SLC8A1: variants seen among roughly 807,000 people sequenced by gnomAD.
SLC8A1 encodes solute carrier family 8 member A1, also known as sodium/calcium exchanger 1.
A neutral mutation model predicts 68.3 loss-of-function variants in SLC8A1; 18 were observed. The ratio of observed to expected loss-of-function variants is 0.26; its 90% CI spans 0.18 to 0.39. The LOEUF (loss-of-function observed/expected upper bound fraction) is 0.39, where lower values mean the gene tolerates loss of function less well. Ranked by LOEUF, SLC8A1 falls within the 10% of genes least tolerant of loss-of-function variation. SLC8A1 has a pLI of 1.00. For missense variants in SLC8A1, 985 were observed against 1,156.7 expected, an observed-to-expected ratio of 0.85 and a Z score of 2.15; for synonymous variants, 475 against 415.5, an observed-to-expected ratio of 1.14 and a Z score of -1.74.
chr2:40,246,825 AT>A (rs1010711109), intron 2 of SLC8A1, among the ~76,000 whole-genome samples: 1 of 152,056 alleles, frequency 6.6e-6, no homozygotes, highest in Non-Finnish European at 1.5e-5. Flanking sequence ...CCTCAGAGGA[AT>A]TTTTTTTATT....
At chr2:40,355,111 C>T (rs944630113) in intron 2 of SLC8A1, among the ~76,000 whole-genome samples, 6 of 152,144 alleles carry the variant, frequency 3.9e-5, no homozygotes, top group South Asian at 2.1e-4. Flanking sequence ...AAAGCCTTTA[C>T]TATGGGGAGG....
At chr2:40,349,484 T>A (rs1670381498) in intron 2 of SLC8A1, among the ~76,000 whole-genome samples, 1 of 152,210 alleles carries the variant, frequency 6.6e-6, no homozygotes, top group East Asian at 1.9e-4. Context: ...CAAATATGAA[T>A]CCTGCTCCTT....
chr2:40,334,443 C>A (rs1017566171), intron 2 of SLC8A1, among the ~76,000 whole-genome samples: 10 of 152,140 alleles, frequency 6.6e-5, no homozygotes, highest in Admixed American at 6.6e-4. Context: ...ACAGCCAATG[C>A]ATATTTTTGA....
intron 1 of SLC8A1, among the ~76,000 whole-genome samples, chr2:40,475,622 A>G (rs1704248399): frequency 6.6e-6 from 1 of 152,078 alleles, no homozygotes; most frequent in African/African-American, 2.4e-5. Flanking sequence ...GTACATATAC[A>G]TACATGTACA....
chr2:40,317,779 A>C (rs2074666870), intron 2 of SLC8A1, among the ~76,000 whole-genome samples: 1 of 152,102 alleles, frequency 6.6e-6, no homozygotes, highest in South Asian at 2.1e-4. Context: ...AAATTATGGC[A>C]ATGTTTAAAA....
intron 1 of SLC8A1, among the ~76,000 whole-genome samples, chr2:40,441,789 T>C (rs868102536): frequency 2.6e-5 from 4 of 151,944 alleles, no homozygotes; most frequent in South Asian, 2.1e-4. Context: ...AAGACTTAAA[T>C]GTAAAACTTA....
chr2:40,447,706 C>A (rs1701712546), intron 1 of SLC8A1, among the ~76,000 whole-genome samples: 1 of 151,724 alleles, frequency 6.6e-6, no homozygotes, highest in Admixed American at 6.6e-5. Flanking sequence ...TTCCTTTATT[C>A]AAATGAATGG....
intron 2 of SLC8A1, among the ~76,000 whole-genome samples, chr2:40,347,886 T>A (rs1225436640): frequency 1.3e-5 from 2 of 152,150 alleles, no homozygotes; most frequent in South Asian, 2.1e-4. Flanking sequence ...GATAAGGAGA[T>A]AAAATAAAAC....
chr2:40,473,235 T>C (rs980498725), intron 1 of SLC8A1, among the ~76,000 whole-genome samples: 5 of 152,080 alleles, frequency 3.3e-5, no homozygotes, highest in African/African-American at 4.8e-5. Context: ...ATGAAAGACA[T>C]AGAAAAATAC....
intron 2 of SLC8A1, among the ~76,000 whole-genome samples, chr2:40,185,287 G>A (rs776930450): frequency 1.1e-4 from 17 of 152,172 alleles, no homozygotes; most frequent in Non-Finnish European, 2.4e-4. Context: ...AAAAACTTGT[G>A]CATGAATTTT....
rs533121435 is a variant in SLC8A1 at position 40,245,971 on chromosome 2, C to T, written c.1809-68116G>A. On this transcript the variant is annotated intron_variant, in intron 2 of 7. Coordinates refer to ENST00000406785, the Ensembl canonical transcript of SLC8A1. ...ATAGTTATAAGAAGCTGAGCTAGGACCCTACAGGTCCATCTCAGAGACCTA... is the reference window on the plus strand; with the variant it reads ...ATAGTTATAAGAAGCTGAGCTAGGATCCTACAGGTCCATCTCAGAGACCTA... 1.1e-4 allele frequency among the ~76,000 whole-genome samples: 16 copies of T among 152,298 alleles called. No homozygotes were observed. In the East Asian group the frequency reaches 1.5e-3, roughly 15 times the overall value.
chr2:40,174,063 G>T (rs1439313960), intron 4 of SLC8A1, among the ~76,000 whole-genome samples: 1 of 152,030 alleles, frequency 6.6e-6, no homozygotes, highest in Non-Finnish European at 1.5e-5. Context: ...AGTTTTTATA[G>T]AATACTTTGT....
At chr2:40,340,055 A>G (rs1190178867) in intron 2 of SLC8A1, among the ~76,000 whole-genome samples, 1 of 152,170 alleles carries the variant, frequency 6.6e-6, no homozygotes, top group East Asian at 1.9e-4. Flanking sequence ...TTCATATGCA[A>G]AAAAACCAAA....
chr2:40,295,891 T>C (rs1223849954), intron 2 of SLC8A1, among the ~76,000 whole-genome samples: 2 of 152,124 alleles, frequency 1.3e-5, no homozygotes, highest in East Asian at 3.9e-4. Flanking sequence ...TGCGTACTTC[T>C]GAAAGAGCTT....
chr2:40,267,334 A>G (rs894069410), intron 2 of SLC8A1, among the ~76,000 whole-genome samples: 6 of 152,202 alleles, frequency 3.9e-5, no homozygotes, highest in African/African-American at 1.4e-4. Flanking sequence ...AATATCCTAG[A>G]AAGTTAGTAA....
intron 2 of SLC8A1, among the ~76,000 whole-genome samples, chr2:40,267,951 T>C (rs1364067595): frequency 6.6e-6 from 1 of 152,118 alleles, no homozygotes; most frequent in Non-Finnish European, 1.5e-5. Flanking sequence ...CAGCCACCCT[T>C]TTCTGTTGAG....
rs756868091 is a variant in SLC8A1, at chr2:40,281,990, TA to T, written c.1809-104136del. On this transcript the variant is annotated intron_variant, in intron 2 of 7. Coordinates refer to ENST00000406785, the Ensembl canonical transcript of SLC8A1. ...GAGTCTGTTTATTCTTCTAGAAAAGTATAACAGTGGATTAGCTACTGGCTTC... is the reference window on the plus strand; with the variant it reads ...GAGTCTGTTTATTCTTCTAGAAAAGTTAACAGTGGATTAGCTACTGGCTTC... 1.4e-4 allele frequency among the ~76,000 whole-genome samples: 22 copies of T among 152,144 alleles called. 1 individual carries two copies. Among genetic ancestry groups the T allele is most frequent in the Admixed American group, 6.6e-5 (1 of 15,266 alleles).
At chr2:40,464,211 A>T (rs1272878147) in intron 1 of SLC8A1, among the ~76,000 whole-genome samples, 6 of 152,290 alleles carry the variant, frequency 3.9e-5, no homozygotes, top group Middle Eastern at 3.4e-3. Context: ...GGATACATAC[A>T]AATATATTTC....
chr2:40,162,221 C>T (rs1478422146), intron 5 of SLC8A1, among the ~76,000 whole-genome samples: 1 of 152,206 alleles, frequency 6.6e-6, no homozygotes, highest in Non-Finnish European at 1.5e-5. Flanking sequence ...TGCTCTTGGC[C>T]ACCATAACTT....
Sources: gnomAD v4.1 joint callset for allele counts (sites outside exome capture counted in the v4.1 genomes callset) on GRCh38, gnomAD v4.1.1 for gene constraint, MANE v1.5 for transcripts, NCBI Gene and HGNC (gene_info 2026-07-23, HGNC 2026-07-21) for gene names.